The following PRKCH variants were observed in gnomAD, a reference collection of about 807,000 sequenced individuals.
PRKCH encodes protein kinase C eta.
PRKCH carries 28 observed loss-of-function variants against 82.5 expected under a neutral mutation model. The ratio of observed to expected loss-of-function variants is 0.34; its 90% confidence interval spans 0.25 to 0.47. The LOEUF is 0.47. Ranked by LOEUF, PRKCH falls within the 20% of genes least tolerant of loss-of-function variation. The probability of loss-of-function intolerance (pLI) is 1.00; values close to 1 mark genes in which losing one functional copy is unlikely to be tolerated. For synonymous variants in PRKCH, 322 were observed against 327.4 expected (o/e 0.98, Z 0.18); for missense variants, 705 against 881.8 (o/e 0.80, Z 2.54).
At chr14:61,461,902 T>C (rs1174648810) in intron 9 of PRKCH, among the ~76,000 whole-genome samples, 1 of 152,224 alleles carries the variant, frequency 6.6e-6, no homozygotes, top group Non-Finnish European at 1.5e-5. Flanking sequence ...CATTGAAGTC[T>C]ATTTTTCCTA....
At chr14:61,504,572 G>T (rs1887056818) in intron 10 of PRKCH, among the ~76,000 whole-genome samples, 1 of 152,098 alleles carries the variant, frequency 6.6e-6, no homozygotes. Context: ...TCTTTAAGAT[G>T]GTAGAACCAA....
intron 1 of PRKCH, among the ~76,000 whole-genome samples, chr14:61,357,762 C>T (rs985926619): frequency 6.6e-6 from 1 of 152,200 alleles, no homozygotes; most frequent in African/African-American, 2.4e-5. Context: ...CTTGCTGCCT[C>T]TATGTCTTGT....
chr14:61,360,535 T>C lies in PRKCH; in HGVS notation c.364-30690T>C, dbSNP rs572892918. ...AAAAGAAAAAAGAAAAAAGAAAAAC[T>C]CGAAGAGGCTAAAACGTATCCTGGA... On this transcript the variant is annotated intron_variant, in intron 1 of 13. Coordinates refer to ENST00000332981, the MANE Select transcript of PRKCH (RefSeq NM_006255.5). 3.5e-3 allele frequency among the ~76,000 whole-genome samples: 533 copies of C among 152,050 alleles called. 4 individuals carry two copies. Among genetic ancestry groups the C allele is most frequent in the Non-Finnish European group, 5.3e-3 (359 of 67,948 alleles).
intron 13 of PRKCH, among the ~76,000 whole-genome samples, chr14:61,549,140 C>G (rs1227950497): frequency 6.6e-6 from 1 of 152,146 alleles, no homozygotes; most frequent in Non-Finnish European, 1.5e-5. Context: ...GCCTGTAGTC[C>G]TAACTGCACA....
At chr14:61,531,576 G>A (rs1245648490) in intron 12 of PRKCH, among the ~76,000 whole-genome samples, 2 of 152,222 alleles carry the variant, frequency 1.3e-5, no homozygotes, top group East Asian at 1.9e-4. Context: ...CTGTGTACTG[G>A]GGCTGAAGGC....
At chr14:61,218,254 C>T (rs1566784345) in intron 1 of PRKCH, among the ~76,000 whole-genome samples, 1 of 152,164 alleles carries the variant, frequency 6.6e-6, no homozygotes, top group African/African-American at 2.4e-5. Flanking sequence ...ATGCTGTCGG[C>T]CTTTCTTCCT....
intron 1 of PRKCH, among the ~76,000 whole-genome samples, chr14:61,336,156 A>G (rs10144815): frequency 0.07 from 10,700 of 152,286 alleles, 421 homozygotes; most frequent in African/African-American, 0.091. Context: ...GCACTTCAAT[A>G]TGAAGTGATG....
At chr14:61,237,293 T>A (rs2044798517) in intron 1 of PRKCH, among the ~76,000 whole-genome samples, 1 of 150,512 alleles carries the variant, frequency 6.6e-6, no homozygotes, top group Admixed American at 6.6e-5. Flanking sequence ...TAGTATAGCA[T>A]CACATGACAG....
intron 1 of PRKCH, among the ~76,000 whole-genome samples, chr14:61,196,928 C>T (rs1043571347): frequency 1.3e-5 from 2 of 152,170 alleles, no homozygotes; most frequent in African/African-American, 4.8e-5. Context: ...CTTATTGCAT[C>T]CCTATGACTT....
intron 1 of PRKCH, among the ~76,000 whole-genome samples, chr14:61,359,069 G>A (rs2046189760): frequency 6.6e-6 from 1 of 152,162 alleles, no homozygotes; most frequent in Admixed American, 6.5e-5. Flanking sequence ...AGTCCTGAAG[G>A]GCAGAAACCA....
At chr14:61,259,990 T>G (rs1040779481) in intron 1 of PRKCH, among the ~76,000 whole-genome samples, 2 of 152,186 alleles carry the variant, frequency 1.3e-5, no homozygotes, top group Admixed American at 6.5e-5. Flanking sequence ...TTTCACCATA[T>G]TCCCAAATGG....
chr14:61,491,813 G>C (rs1886458958), intron 10 of PRKCH, among the ~76,000 whole-genome samples: 1 of 152,188 alleles, frequency 6.6e-6, no homozygotes, highest in Non-Finnish European at 1.5e-5. Context: ...GTAATGGTAT[G>C]AGCAAAAACA....
At chr14:61,461,498 A>G (rs929446652) in intron 9 of PRKCH, among the ~76,000 whole-genome samples, 1 of 152,204 alleles carries the variant, frequency 6.6e-6, no homozygotes, top group African/African-American at 2.4e-5. Context: ...CCTGAGCCAA[A>G]CATCACATGG....
At chr14:61,459,399 T>C (rs1884928164) in intron 9 of PRKCH, among the ~76,000 whole-genome samples, 1 of 152,172 alleles carries the variant, frequency 6.6e-6, no homozygotes, top group African/African-American at 2.4e-5. Context: ...AACAGCACAC[T>C]ATGGGTCTGC....
rs76885149 is a variant in PRKCH at position 61,198,143 on chromosome 14, A to G, written c.-19+10475A>G. On this transcript the variant is annotated intron_variant, in intron 1 of 3. Transcript: ENST00000555185. Reference sequence around the variant, plus strand: ...TTTTAAGCTTTACATCTGGACAACTAGTTTCCGAGACTTCATGTATTTAAG... The same window carrying G: ...TTTTAAGCTTTACATCTGGACAACTGGTTTCCGAGACTTCATGTATTTAAG... Among the ~76,000 whole-genome samples the G allele has an allele frequency of 1.6e-3, 234 of 145,242 alleles. 2 individuals are homozygous for G. The highest frequency in any genetic ancestry group is 5.9e-3 in the African/African-American group (228 of 38,648).
At chr14:61,301,995 C>T (rs1266915641) in intron 1 of PRKCH, among the ~76,000 whole-genome samples, 1 of 152,190 alleles carries the variant, frequency 6.6e-6, no homozygotes, top group Non-Finnish European at 1.5e-5. Flanking sequence ...CATAGGCAAC[C>T]ACTGACCTAG....
At chr14:61,499,571 C>T (rs1260698236) in intron 10 of PRKCH, among the ~76,000 whole-genome samples, 1 of 152,070 alleles carries the variant, frequency 6.6e-6, no homozygotes, top group African/African-American at 2.4e-5. Flanking sequence ...TGTGCTTTCA[C>T]GTACAGAATT....
intron 10 of PRKCH, among the ~76,000 whole-genome samples, chr14:61,517,441 T>G (rs1021391428): frequency 3.9e-5 from 6 of 152,232 alleles, no homozygotes; most frequent in African/African-American, 1.4e-4. Context: ...TAGCACTGTT[T>G]CCATTAGAGG....
At chr14:61,235,220 G>C (rs558220845) in intron 1 of PRKCH, among the ~76,000 whole-genome samples, 14 of 152,296 alleles carry the variant, frequency 9.2e-5, no homozygotes, top group African/African-American at 3.1e-4. Flanking sequence ...GGTTTCCATT[G>C]CCTTTGGTCA....
Sources: gnomAD v4.1 joint callset for allele counts (sites outside exome capture counted in the v4.1 genomes callset) on GRCh38, gnomAD v4.1.1 for gene constraint, MANE v1.5 for transcripts, NCBI Gene and HGNC (gene_info 2026-07-23, HGNC 2026-07-21) for gene names.